The following GALNT17 variants were observed in gnomAD, a reference collection of about 807,000 sequenced individuals.
GALNT17 encodes UDP-GalNAc:polypeptide N-acetylgalactosaminyltransferase-like 3.
In GALNT17, 29 loss-of-function variants were observed where a neutral mutation model predicts 63.7. That is an observed-to-expected ratio of 0.46 (90% confidence interval 0.34 to 0.62). GALNT17 has a LOEUF of 0.62. Among genes scored for constraint, GALNT17 ranks in the 20% least tolerant of loss-of-function variants. The pLI, the probability that GALNT17 is intolerant of heterozygous loss-of-function variation, is 0.01. For missense variants in GALNT17, 603 were observed against 799.6 expected (o/e 0.75, Z 2.97); for synonymous variants, 305 against 318.3 (o/e 0.96, Z 0.45).
At chr7:71,246,368 C>A (rs1282763237) in intron 1 of GALNT17, among the ~76,000 whole-genome samples, 3 of 151,642 alleles carry the variant, frequency 2.0e-5, no homozygotes, top group African/African-American at 7.3e-5. Flanking sequence ...AATGATCTGC[C>A]TGCCTTGGTC....
intron 1 of GALNT17, among the ~76,000 whole-genome samples, chr7:71,270,771 A>G (rs533225536): frequency 5.9e-5 from 9 of 152,076 alleles, no homozygotes; most frequent in Non-Finnish European, 8.8e-5. Flanking sequence ...GCCATTTGAT[A>G]CAGAACAGAA....
chr7:71,212,349 A>G (rs1482670328), intron 1 of GALNT17, among the ~76,000 whole-genome samples: 3 of 152,226 alleles, frequency 2.0e-5, no homozygotes, highest in African/African-American at 7.2e-5. Context: ...CCCCACCTAG[A>G]TTTTAAAAGA....
At chr7:71,152,662 C>T (rs923244970) in intron 1 of GALNT17, among the ~76,000 whole-genome samples, 11 of 151,818 alleles carry the variant, frequency 7.2e-5, no homozygotes, top group East Asian at 1.9e-4. Context: ...GATAGAGTTT[C>T]GCTCTTGTTG....
At chr7:71,352,077 A>G (rs189315125) in intron 2 of GALNT17, among the ~76,000 whole-genome samples, 58 of 152,212 alleles carry the variant, frequency 3.8e-4, no homozygotes, top group Non-Finnish European at 2.9e-5. Flanking sequence ...CATAATTCCC[A>G]TGTGTGAGAG....
At chr7:71,485,004 T>C (rs1787887614) in intron 5 of GALNT17, among the ~76,000 whole-genome samples, 1 of 139,834 alleles carries the variant, frequency 7.2e-6, no homozygotes, top group Non-Finnish European at 1.5e-5. Context: ...AGGCAAGGTT[T>C]CACCATGTTG....
chr7:71,217,503 CTGT>C (rs1215309654), intron 1 of GALNT17, among the ~76,000 whole-genome samples: 2 of 151,992 alleles, frequency 1.3e-5, no homozygotes, highest in African/African-American at 4.8e-5. Context: ...AGGGATGTGA[CTGT>C]TAGATTTCAA....
At chr7:71,466,062 T>C (rs1244849065) in intron 5 of GALNT17, among the ~76,000 whole-genome samples, 2 of 152,296 alleles carry the variant, frequency 1.3e-5, no homozygotes, top group East Asian at 3.9e-4. Context: ...TCTTTACAGA[T>C]GCAAATTTCC....
chr7:71,176,245 C>T (rs1442142583), intron 1 of GALNT17, among the ~76,000 whole-genome samples: 1 of 152,094 alleles, frequency 6.6e-6, no homozygotes, highest in Non-Finnish European at 1.5e-5. Flanking sequence ...TATACCGCCG[C>T]TGTCGCCCCG....
rs950613643 is a variant in GALNT17, at chr7:71,507,665, G to A, written c.963-63620G>A. ...CAATGCGTTGGTTAATCTTCGAGCC[G>A]TGTCCCTTTAATGCAGCATGAATTT... On this transcript the variant is annotated intron_variant, in intron 5 of 10. Coordinates refer to ENST00000333538, the MANE Select transcript of GALNT17 (RefSeq NM_022479.3). Among the ~76,000 whole-genome samples, 10 of 152,162 alleles carry A rather than the reference G, an allele frequency of 6.6e-5. No individual in the cohort carries two copies. In the East Asian group the frequency reaches 1.2e-3, roughly 18 times the overall value.
chr7:71,436,064 C>T (rs1786957874), intron 5 of GALNT17, among the ~76,000 whole-genome samples: 1 of 151,284 alleles, frequency 6.6e-6, no homozygotes, highest in African/African-American at 2.4e-5. Flanking sequence ...CCCGAATGCT[C>T]AGGGAGACTG....
At chr7:71,281,298 G>A (rs1790773278) in intron 1 of GALNT17, among the ~76,000 whole-genome samples, 1 of 152,194 alleles carries the variant, frequency 6.6e-6, no homozygotes, top group Non-Finnish European at 1.5e-5. Context: ...CTTGAGGCCA[G>A]GAGTTGGAGA....
intron 3 of GALNT17, among the ~76,000 whole-genome samples, chr7:71,395,437 A>G (rs544856883): frequency 1.7e-4 from 26 of 152,346 alleles, no homozygotes; most frequent in African/African-American, 6.0e-4. Context: ...ATGACTGAAT[A>G]ATATTCTGAG....
intron 1 of GALNT17, among the ~76,000 whole-genome samples, chr7:71,184,938 CACTTCCTT>C (rs540035710): frequency 0.018 from 1,415 of 76,552 alleles, 60 homozygotes; most frequent in Admixed American, 0.1. Context: ...CTCCCTTCCT[CACTTCCTT>C]CCTTCCTTCC....
intron 2 of GALNT17, among the ~76,000 whole-genome samples, chr7:71,373,805 G>A (rs1042668789): frequency 6.6e-6 from 1 of 152,100 alleles, no homozygotes; most frequent in Non-Finnish European, 1.5e-5. Context: ...CCATGAAACC[G>A]GTCCCTGCTG....
intron 5 of GALNT17, among the ~76,000 whole-genome samples, chr7:71,548,403 G>T (rs1789021959): frequency 6.6e-6 from 1 of 152,148 alleles, no homozygotes; most frequent in African/African-American, 2.4e-5. Flanking sequence ...TTGGCCTTGT[G>T]GCCATGGGCC....
intron 1 of GALNT17, among the ~76,000 whole-genome samples, chr7:71,219,390 A>T (rs952422053): frequency 3.3e-5 from 5 of 149,848 alleles, no homozygotes; most frequent in African/African-American, 7.3e-5. Flanking sequence ...GTAGATTTTT[A>T]AAATTAAACC....
chr7:71,154,567 C>CATTT (rs1474447361), intron 1 of GALNT17, among the ~76,000 whole-genome samples: 3 of 152,056 alleles, frequency 2.0e-5, no homozygotes, highest in African/African-American at 7.2e-5. Context: ...CAATAGCCAA[C>CATTT]ATTTATTTAT....
At chr7:71,623,832 C>T (rs1170750671) in intron 6 of GALNT17, among the ~76,000 whole-genome samples, 5 of 152,172 alleles carry the variant, frequency 3.3e-5, no homozygotes, top group Non-Finnish European at 7.3e-5. Flanking sequence ...CAGTCTTCCC[C>T]CGTCCTGTCA....
chr7:71,568,076 G>A (rs1273299838), intron 5 of GALNT17, among the ~76,000 whole-genome samples: 1 of 152,210 alleles, frequency 6.6e-6, no homozygotes, highest in Non-Finnish European at 1.5e-5. Context: ...AGTTTCAATG[G>A]ACCTCCTGCG....
Sources: gnomAD v4.1 joint callset for allele counts (sites outside exome capture counted in the v4.1 genomes callset) on GRCh38, gnomAD v4.1.1 for gene constraint, MANE v1.5 for transcripts, NCBI Gene and HGNC (gene_info 2026-07-23, HGNC 2026-07-21) for gene names.